CPNE7: variants seen among roughly 807,000 people sequenced by gnomAD.
CPNE7 encodes copine-7.
A neutral mutation model predicts 66.5 loss-of-function variants in CPNE7; 78 were observed. That is an observed-to-expected ratio of 1.17 (90% confidence interval 0.98 to 1.42). The LOEUF (loss-of-function observed/expected upper bound fraction) is 1.42. Among genes scored for constraint, CPNE7 ranks in the 40% most tolerant of loss-of-function variants. The pLI is 0.00. For missense variants in CPNE7, 1,012 were observed against 776.6 expected (o/e 1.30, Z -3.60); for synonymous variants, 468 against 336.7 (o/e 1.39, Z -4.27).
Position 89,591,213 on chromosome 16 carries a change from A to C in CPNE7, c.1255A>C (p.Lys419Gln). 1.3e-6 allele frequency: 2 copies of C among 1,594,878 alleles called. No individual in the cohort carries two copies. Among genetic ancestry groups the C allele is most frequent in the Non-Finnish European group, 1.7e-6 (2 of 1,170,792 alleles). The change falls in exon 13 of 15, where the codon AAG becomes CAG. Residue 419 changes from lysine to glutamine, a missense_variant. Lys to Gln is a moderately conservative substitution (Grantham distance 53, BLOSUM62 1). Transcript: ENST00000319518. Reference protein sequence around the residue: ...GPTNVAPIISKVARVAAAEES... With the variant: ...GPTNVAPIISQVARVAAAEES... ...CACCAACGTGGCGCCCATCATCTCC[A>C]AGGTGGCACGCGTGGCGGCGGCCGA...
At chr16:89,587,006 C>A in intron 8 of CPNE7, 37 bp from the exon 9 acceptor site, 1 of 1,561,736 alleles carries the variant, frequency 6.4e-7, no homozygotes, top group Non-Finnish European at 8.7e-7. Context: ...CCTCAGTGTC[C>A]CTGGCGGGGG....
Position 89,591,171 on chromosome 16 carries a change from G to A in CPNE7, c.1213G>A (p.Val405Ile), listed in dbSNP as rs138900291. 110 of 1,606,506 alleles carry A rather than the reference G, an allele frequency of 6.8e-5. No individual in the cohort carries two copies. The highest frequency in any genetic ancestry group is 8.6e-5 in the Non-Finnish European group (101 of 1,176,872). Residue 405 changes from valine to isoleucine, a missense_variant, in exon 13 of 15, where the codon GTC becomes ATC. Coordinates refer to ENST00000319518, the MANE Select transcript of CPNE7 (RefSeq NM_153636.3). ...VEAYQNCLPR[V>I]QLYGPTNVAP... ...GGCCTACCAGAACTGCCTGCCCAGG[G>A]TCCAGCTCTACGGCCCCACCAACGT...
rs559628089 is a variant in CPNE7 at position 89,584,203 on chromosome 16, G to A, written c.507+101G>A. On this transcript the variant is annotated intron_variant, in intron 4 of 14. Transcript: ENST00000319518. The surrounding 1 kb of genome is among the most constrained non-coding windows in gnomAD (Gnocchi z 6.0). ...CGCTGACCTCGCGTGGCTATGTCCC[G>A]TGTGAGACGTGTGCGGAGTGTGCCT... 72 of 1,167,680 alleles carry A rather than the reference G, an allele frequency of 6.2e-5. No homozygotes were observed. The Middle Eastern group carries it at 8.7e-4, about 14-fold the overall frequency. 72.3% of individuals were successfully genotyped at this position (1,167,680 alleles called of 1,614,324 possible). A position where few individuals can be genotyped will look rare whatever the true frequency, so the allele number is the denominator to read the frequency against.
intron 13 of CPNE7, among the ~76,000 whole-genome samples, chr16:89,592,205 G>A (rs1331091575): frequency 1.4e-4 from 20 of 147,106 alleles, no homozygotes; most frequent in East Asian, 4.0e-4. Flanking sequence ...TAGTAGAGAC[G>A]GGGTTTCACC....
Position 89,587,116 on chromosome 16 carries a change from C to CCCGCCCCATG in CPNE7, c.927+22_927+31dup, listed in dbSNP as rs139314142. 7,301 of 1,382,248 alleles carry CCCGCCCCATG rather than the reference C, an allele frequency of 5.3e-3. 414 individuals carry two copies. The highest frequency in any genetic ancestry group is 6.0e-3 in the Non-Finnish European group (6,208 of 1,031,400). 85.6% of individuals were successfully genotyped at this position (1,382,248 alleles called of 1,614,324 possible). A position where few individuals can be genotyped will look rare whatever the true frequency, so the allele number is the denominator to read the frequency against. On this transcript the variant is annotated intron_variant, in intron 9 of 14. Transcript: ENST00000319518. Reference sequence around the variant, plus strand: ...ATCCACTTCACCGTGAGTCCATGGCCCCGCCCCATGCCGCCCCCTCAGTCC... The same window carrying CCCGCCCCATG: ...ATCCACTTCACCGTGAGTCCATGGCCCCGCCCCATGCCGCCCCATGCCGCCCCCTCAGTCC...
chr16:89,585,315 C>G, intron 5 of CPNE7, 149 bp from the exon 6 acceptor site: 2 of 633,034 alleles, frequency 3.2e-6, no homozygotes, highest in South Asian at 1.9e-5. Context: ...GGTGCCAGCC[C>G]CAGCTCAGGG....
rs1346560382 is a variant in CPNE7 at position 89,587,059 on chromosome 16, C to T, written c.884C>T (p.Ser295Phe). 6.3e-7 allele frequency: 1 copy of T among 1,580,330 alleles called. No individual in the cohort carries two copies. ...LADLKFHRVY[S>F]FLDYIMGGCQ... ...GGCCGGAAGTTCCACAGGGTGTACT[C>T]CTTCCTGGACTATATCATGGGCGGC... Residue 295 changes from serine (S) to phenylalanine (F), a missense_variant, in exon 9 of 15, where the codon TCC becomes TTC. Transcript: ENST00000319518.
Position 89,595,593 on chromosome 16 carries a change from A to G in CPNE7, c.1529A>G (p.Glu510Gly). 1 of 1,602,906 alleles carries G rather than the reference A, an allele frequency of 6.2e-7. No homozygotes were observed. Among genetic ancestry groups the G allele is most frequent in the Non-Finnish European group, 8.5e-7 (1 of 1,172,480 alleles). Reference sequence around the variant, plus strand: ...ATCGTACAGTTCGTGCCCTTCCGGGAGCTCAAGAACGTGAGTGTCCTGGAG... The same window carrying G: ...ATCGTACAGTTCGTGCCCTTCCGGGGGCTCAAGAACGTGAGTGTCCTGGAG... ...RDIVQFVPFR[E>G]LKNASPAALA... Residue 510 changes from glutamate to glycine, a missense_variant, in exon 14 of 15, where the codon GAG becomes GGG. Coordinates refer to ENST00000319518, the MANE Select transcript of CPNE7 (RefSeq NM_153636.3).
At chr16:89,583,944 T>C in intron 3 of CPNE7, 84 bp from the exon 4 acceptor site, 1 of 1,540,780 alleles carries the variant, frequency 6.5e-7, no homozygotes, top group Non-Finnish European at 8.9e-7. Context: ...CTGGGTGGGG[T>C]CAGCCAGCCT....
chr16:89,586,781 C>G (rs775554105), intron 8 of CPNE7, 25 bp downstream of exon 8: 23 of 1,593,862 alleles, frequency 1.4e-5, no homozygotes, highest in Non-Finnish European at 1.7e-5. Context: ...TGCCCGAAGC[C>G]TCCCCACCCA....
rs534292081 is a variant in CPNE7, at chr16:89,595,689, C to T, written c.1539+86C>T. The stretch of plus-strand genomic sequence containing the variant: ...CCAAGACCTTCCCAGGCCAGGCTCA[C>T]GCCAGTGGATGTGGCAGGTCCCTTC... On this transcript the variant is annotated intron_variant, in intron 14 of 14. Transcript: ENST00000319518. 3.0e-4 allele frequency: 361 copies of T among 1,205,562 alleles called. 1 individual carries two copies. The highest frequency in any genetic ancestry group is 3.1e-4 in the Non-Finnish European group (260 of 825,578). The allele number at this position is 1,205,562 out of a possible 1,614,324, so 74.7% of individuals were successfully genotyped here.
chr16:89,596,056 A>G (rs2059250695), intron 14 of CPNE7: 4 of 449,438 alleles, frequency 8.9e-6, no homozygotes, highest in African/African-American at 4.0e-5. Flanking sequence ...CAAGACGTGC[A>G]TGCCACATAG....
chr16:89,583,543 C>A (rs767096846), intron 2 of CPNE7, 154 bp from the exon 3 acceptor site: 2 of 1,578,814 alleles, frequency 1.3e-6, no homozygotes, highest in East Asian at 4.7e-5. Flanking sequence ...TTGAGAGCAG[C>A]CACAAAGGGG....
rs1226547658 is a variant in CPNE7, at chr16:89,579,979, G to T, written c.357+2258G>T. 4.4e-4 allele frequency among the ~76,000 whole-genome samples: 13 copies of T among 29,710 alleles called. 3 individuals are homozygous for T. The highest frequency in any genetic ancestry group is 1.1e-3 in the African/African-American group (13 of 11,476). The allele number at this position is 29,710 out of a possible 152,430, so 19.5% of individuals were successfully genotyped here. On this transcript the variant is annotated intron_variant, in intron 2 of 14. Coordinates refer to ENST00000319518, the MANE Select transcript of CPNE7 (RefSeq NM_153636.3). ...GGAACATCCCGTCACCCGTCACACG[G>T]AACATCCCATCACACGGAACATCTC...
intron 2 of CPNE7, chr16:89,578,921 G>C (rs755329950): frequency 6.2e-7 from 1 of 1,613,868 alleles, no homozygotes; most frequent in Non-Finnish European, 8.5e-7. Flanking sequence ...GGCCCTGCTG[G>C]ACACTGCGCT....
chr16:89,596,813 C>G lies in CPNE7; in HGVS notation c.*192C>G, dbSNP rs1227349125. The G allele has an allele frequency of 6.4e-6, 4 of 622,066 alleles. No individual in the cohort carries two copies. The highest frequency in any genetic ancestry group is 3.3e-5 in the South Asian group (1 of 30,628). The allele number at this position is 622,066 out of a possible 1,614,324, so 38.5% of individuals were successfully genotyped here. On this transcript the variant is annotated 3_prime_UTR_variant, in exon 15 of 15. Coordinates refer to ENST00000319518, the MANE Select transcript of CPNE7 (RefSeq NM_153636.3). The stretch of plus-strand genomic sequence containing the variant: ...TGGGGCCCCCAAGGCCGAAGGGTGA[C>G]AAAATACAGGCCCCCATGCCTGGCC...
intron 13 of CPNE7, among the ~76,000 whole-genome samples, chr16:89,592,395 G>A (rs115475618): frequency 2.0e-5 from 3 of 151,140 alleles, no homozygotes; most frequent in African/African-American, 7.3e-5. Flanking sequence ...CTCACACATT[G>A]CGCTCCTGCT....
chr16:89,589,882 C>T lies in CPNE7; in HGVS notation c.1062-15C>T, dbSNP rs764288418. Reference sequence around the variant, plus strand: ...GAGGTCAGGGCCTCCTGGTGACCTCCTGCCTCTCTTCCAGTGACAAGAGGT... The same window carrying T: ...GAGGTCAGGGCCTCCTGGTGACCTCTTGCCTCTCTTCCAGTGACAAGAGGT... On this transcript the variant is annotated splice_polypyrimidine_tract_variant and intron_variant, in intron 10 of 14. Transcript: ENST00000319518. 3 of 1,613,520 alleles carry T rather than the reference C, an allele frequency of 1.9e-6. No individual in the cohort carries two copies. The African/African-American group carries it at 4.0e-5, about 22-fold the overall frequency.
At position 89,587,112 on chromosome 16, in the gene CPNE7, T is replaced by C. The variant is rs113896547; in HGVS notation, c.927+10T>C. ...CCAGATCCACTTCACCGTGAGTCCA[T>C]GGCCCCGCCCCATGCCGCCCCCTCA... On this transcript the variant is annotated intron_variant, in intron 9 of 14. Coordinates refer to ENST00000319518, the MANE Select transcript of CPNE7 (RefSeq NM_153636.3). 5.8e-3 allele frequency: 8,762 copies of C among 1,516,938 alleles called. 597 individuals carry two copies. In the African/African-American group the frequency reaches 0.12, roughly 21 times the overall value. The allele number at this position is 1,516,938 out of a possible 1,614,324, so 94.0% of individuals were successfully genotyped here. A position where few individuals can be genotyped will look rare whatever the true frequency, so the allele number is the denominator to read the frequency against.
Sources: gnomAD v4.1 joint callset for allele counts (sites outside exome capture counted in the v4.1 genomes callset) on GRCh38, gnomAD v4.1.1 for gene constraint, Gnocchi (gnomAD v3.1) non-coding constraint, MANE v1.5 for transcripts, NCBI Gene and HGNC (gene_info 2026-07-23, HGNC 2026-07-21) for gene names.